The following CD6 variants were observed in gnomAD, a reference collection of about 807,000 sequenced individuals.
CD6 encodes the protein T-cell differentiation antigen CD6.
A neutral mutation model predicts 75.3 loss-of-function variants in CD6; 53 were observed. The observed-to-expected ratio is 0.70, with a 90% CI of 0.56 to 0.88. The LOEUF is 0.88. Among genes scored for constraint, CD6 ranks in the 40% least tolerant of loss-of-function variants. The pLI is 0.00. For missense variants in CD6, 770 were observed against 897.1 expected (o/e 0.86, Z 1.81); for synonymous variants, 359 against 381.5 (o/e 0.94, Z 0.69).
chr11:61,001,827 A>C (rs1858599551), intron 1 of CD6, among the ~76,000 whole-genome samples: 1 of 152,202 alleles, frequency 6.6e-6, no homozygotes, highest in Non-Finnish European at 1.5e-5. Flanking sequence ...AATGATGAGG[A>C]ATTTCAAGAT....
At chr11:61,012,905 C>T (rs1364842664) in intron 6 of CD6, among the ~76,000 whole-genome samples, 3 of 152,308 alleles carry the variant, frequency 2.0e-5, no homozygotes, top group East Asian at 3.9e-4. Flanking sequence ...GGGAAGTCAG[C>T]GTTGGTCTTC....
In CD6 at chr11:60,999,655, T is replaced by C. The variant is rs535201230; in HGVS notation, c.50-6919T>C. 2.0e-5 allele frequency among the ~76,000 whole-genome samples: 3 copies of C among 152,302 alleles called. No homozygotes were observed. The East Asian group carries it at 5.8e-4, about 29-fold the overall frequency. On this transcript the variant is annotated intron_variant, in intron 1 of 12. Transcript: ENST00000313421. ...AAATATTTTTAATGTGCTATATTTTTCTAACCAACCCCCCAATCACTTTTA... is the reference window on the plus strand; with the variant it reads ...AAATATTTTTAATGTGCTATATTTTCCTAACCAACCCCCCAATCACTTTTA...
intron 1 of CD6, among the ~76,000 whole-genome samples, chr11:60,985,707 C>A (rs1249622271): frequency 6.6e-6 from 1 of 152,154 alleles, no homozygotes; most frequent in East Asian, 1.9e-4. Flanking sequence ...CCTGTCATGC[C>A]AGCACTTTGG....
intron 1 of CD6, among the ~76,000 whole-genome samples, chr11:60,988,597 G>T (rs1446337559): frequency 6.6e-6 from 1 of 152,140 alleles, no homozygotes; most frequent in Non-Finnish European, 1.5e-5. Flanking sequence ...AGACTTTCTG[G>T]TCCCAGCCCA....
chr11:60,977,497 C>T (rs1416544400), intron 1 of CD6, among the ~76,000 whole-genome samples: 2 of 152,206 alleles, frequency 1.3e-5, no homozygotes, highest in Non-Finnish European at 2.9e-5. Flanking sequence ...CGGCACTGGC[C>T]CTTCTCCAGA....
intron 3 of CD6, 146 bp from the exon 4 acceptor site, chr11:61,008,388 G>C (rs934298364): frequency 2.6e-6 from 2 of 768,398 alleles, no homozygotes; most frequent in African/African-American, 1.8e-5. Flanking sequence ...TGCAGTCCTG[G>C]GGGGATTCCC....
At chr11:61,009,962 T>G in intron 5 of CD6, 88 bp downstream of exon 5, 2 of 1,337,272 alleles carry the variant, frequency 1.5e-6, no homozygotes, top group South Asian at 1.5e-5. Context: ...AGGACCACAA[T>G]AGGCACCAGA....
chr11:60,998,933 C>T lies in CD6; in HGVS notation c.50-7641C>T, dbSNP rs529806900. ...CAGCATTTTGGGAGGCCAAGGCAGG[C>T]GGATCACCTGAGGTCAGGAGTTCGA... On this transcript the variant is annotated intron_variant, in intron 1 of 12. Transcript: ENST00000313421. Among the ~76,000 whole-genome samples, 31 of 151,246 alleles carry T rather than the reference C, an allele frequency of 2.0e-4. No individual in the cohort carries two copies. The South Asian group carries it at 5.2e-3, about 26-fold the overall frequency.
Position 61,007,710 on chromosome 11 carries a change from G to C in CD6, c.269G>C (p.Gly90Ala). 1 of 1,392,462 alleles carries C rather than the reference G, an allele frequency of 7.2e-7. No individual in the cohort carries two copies. 86.3% of individuals were successfully genotyped at this position (1,392,462 alleles called of 1,614,324 possible). A position where few individuals can be genotyped will look rare whatever the true frequency, so the allele number is the denominator to read the frequency against. The change falls in exon 3 of 13, where the codon GGG becomes GCG. Residue 90 changes from glycine to alanine, a missense_variant. Transcript: ENST00000313421. The surrounding 1 kb of genome is among the most constrained non-coding windows in gnomAD (Gnocchi z 4.2). ...EAVCRALGCG[G>A]AEAASQLAPP... ...GTGTGCCGAGCACTGGGCTGCGGCG[G>C]GGCGGAGGCCGCCTCTCAGCTCGCC...
chr11:60,981,828 C>T (rs1430759465), intron 1 of CD6, among the ~76,000 whole-genome samples: 7 of 152,132 alleles, frequency 4.6e-5, no homozygotes, highest in African/African-American at 1.4e-4. Context: ...GAGGAGGAAG[C>T]TCCGGGGCTG....
intron 1 of CD6, among the ~76,000 whole-genome samples, chr11:60,983,386 C>T (rs1857665035): frequency 6.6e-6 from 1 of 152,174 alleles, no homozygotes; most frequent in South Asian, 2.1e-4. Context: ...GCCACTGCAC[C>T]TGGCCTGTTT....
chr11:60,985,425 T>A (rs1209076587), intron 1 of CD6, among the ~76,000 whole-genome samples: 2 of 152,028 alleles, frequency 1.3e-5, no homozygotes, highest in Admixed American at 6.6e-5. Context: ...CCTCAGGTGA[T>A]CTGCCCGTCT....
chr11:61,004,099 A>C (rs1209570167), intron 1 of CD6, among the ~76,000 whole-genome samples: 1 of 152,166 alleles, frequency 6.6e-6, no homozygotes, highest in African/African-American at 2.4e-5. Context: ...TTTTGTCTTT[A>C]TGCATGAGAA....
chr11:60,978,950 T>A (rs1174610471), intron 1 of CD6, among the ~76,000 whole-genome samples: 1 of 152,124 alleles, frequency 6.6e-6, no homozygotes, highest in Non-Finnish European at 1.5e-5. Flanking sequence ...CCAAAGATAA[T>A]CCCTTGCCTA....
intron 1 of CD6, among the ~76,000 whole-genome samples, chr11:61,001,914 A>T (rs1383429241): frequency 6.6e-6 from 1 of 152,190 alleles, no homozygotes; most frequent in Non-Finnish European, 1.5e-5. Flanking sequence ...CAGCCTGTGG[A>T]GCTGGCCCTG....
At chr11:60,986,342 T>C (rs1422186500) in intron 1 of CD6, among the ~76,000 whole-genome samples, 1 of 152,130 alleles carries the variant, frequency 6.6e-6, no homozygotes, top group African/African-American at 2.4e-5. Flanking sequence ...GGCTGATGGG[T>C]GCCGGGCTGG....
intron 1 of CD6, among the ~76,000 whole-genome samples, chr11:60,994,457 C>CAAAAAA (rs61349237): frequency 9.4e-5 from 5 of 52,964 alleles, no homozygotes; most frequent in African/African-American, 4.3e-4. Flanking sequence ...ACACCCCCGC[C>CAAAAAA]AAAAAAAAAA....
intron 1 of CD6, among the ~76,000 whole-genome samples, chr11:60,986,687 C>T (rs2135049238): frequency 6.6e-6 from 1 of 152,278 alleles, no homozygotes; most frequent in African/African-American, 2.4e-5. Context: ...GGTTCCTTCC[C>T]CCGCTCTCAA....
At chr11:60,975,428 TTATAA>T (rs1857328150) in intron 1 of CD6, among the ~76,000 whole-genome samples, 1 of 152,256 alleles carries the variant, frequency 6.6e-6, no homozygotes, top group African/African-American at 2.4e-5. Context: ...TATGTCGAAC[TTATAA>T]TATTTTTGAT....
Sources: allele counts gnomAD v4.1 joint callset (sites outside exome capture counted in the v4.1 genomes callset), GRCh38; gene constraint gnomAD v4.1.1; non-coding constraint Gnocchi (gnomAD v3.1); transcripts MANE v1.5; gene names NCBI Gene and HGNC (gene_info 2026-07-23, HGNC 2026-07-21).